The following GRID2 variants were observed in gnomAD, a reference collection of about 807,000 sequenced individuals.
The protein encoded by GRID2 is glutamate receptor ionotropic, delta-2.
A neutral mutation model predicts 114.8 loss-of-function variants in GRID2; 33 were observed. That is an observed-to-expected ratio of 0.29 (90% CI 0.22 to 0.38). GRID2 has a LOEUF of 0.38. Ranked by LOEUF, GRID2 falls within the 10% of genes least tolerant of loss-of-function variation. The pLI is 1.00. For missense variants in GRID2, 1,184 were observed against 1,257.7 expected, an observed-to-expected ratio of 0.94 and a Z score of 0.89; for synonymous variants, 505 against 449.9, an observed-to-expected ratio of 1.12 and a Z score of -1.55.
chr4:93,712,814 C>T (rs1234251213), intron 14 of GRID2, among the ~76,000 whole-genome samples: 1 of 152,066 alleles, frequency 6.6e-6, no homozygotes, highest in East Asian at 1.9e-4. Flanking sequence ...ACTGAGTAAA[C>T]GCTACTGCTT....
rs564127931 is a variant in GRID2 at position 93,057,276 on chromosome 4, T to A, written c.245-27719T>A. On this transcript the variant is annotated intron_variant, in intron 2 of 15. Transcript: ENST00000282020. ...ATATAGAAATGGGATTACTTATGCT[T>A]GACAGGTACATATTTCAGTGTCCCT... Among the ~76,000 whole-genome samples the A allele has an allele frequency of 2.6e-5, 4 of 151,970 alleles. No homozygotes were observed. The East Asian group carries it at 5.8e-4, about 22-fold the overall frequency.
intron 1 of GRID2, among the ~76,000 whole-genome samples, chr4:92,528,446 C>A (rs924097102): frequency 1.3e-5 from 2 of 151,598 alleles, no homozygotes; most frequent in African/African-American, 4.8e-5. Context: ...CAAATAAGAA[C>A]AATAATGTTA....
At chr4:92,713,963 C>T (rs1034645756) in intron 2 of GRID2, among the ~76,000 whole-genome samples, 1 of 152,082 alleles carries the variant, frequency 6.6e-6, no homozygotes, top group Non-Finnish European at 1.5e-5. Flanking sequence ...CAAAACCAAT[C>T]ATGCCTTCCC....
chr4:92,943,131 A>G (rs150135727), intron 2 of GRID2, among the ~76,000 whole-genome samples: 2,261 of 152,206 alleles, frequency 0.015, 20 homozygotes, highest in East Asian at 0.054. Context: ...TGCTAGATTG[A>G]GGAAGTTCTC....
intron 1 of GRID2, among the ~76,000 whole-genome samples, chr4:92,579,218 G>A (rs1293038449): frequency 6.6e-6 from 1 of 151,828 alleles, no homozygotes; most frequent in East Asian, 1.9e-4. Context: ...AGTTCCATAA[G>A]TAAACATTCT....
chr4:93,036,915 C>T (rs889037503), intron 2 of GRID2, among the ~76,000 whole-genome samples: 15 of 152,044 alleles, frequency 9.9e-5, no homozygotes, highest in African/African-American at 3.6e-4. Flanking sequence ...TAAACATTAA[C>T]CCTTCAATTA....
At chr4:92,960,257 A>G (rs536251602) in intron 2 of GRID2, among the ~76,000 whole-genome samples, 11 of 152,106 alleles carry the variant, frequency 7.2e-5, no homozygotes, top group Admixed American at 1.3e-4. Context: ...GAAGTACCCA[A>G]TAGAGGTCAA....
chr4:93,433,973 T>C (rs1248579846), intron 10 of GRID2, among the ~76,000 whole-genome samples: 1 of 152,154 alleles, frequency 6.6e-6, no homozygotes, highest in Non-Finnish European at 1.5e-5. Flanking sequence ...TCCATGATTC[T>C]CTCATCTTTA....
At chr4:92,581,203 T>A (rs1292974911) in intron 1 of GRID2, among the ~76,000 whole-genome samples, 1 of 151,644 alleles carries the variant, frequency 6.6e-6, no homozygotes, top group Non-Finnish European at 1.5e-5. Flanking sequence ...CCACCCTTTT[T>A]TTTTTTTTTT....
rs139358667 is a variant in GRID2, at chr4:92,431,576, CTT to C, written c.88+126846_88+126847del. Among the ~76,000 whole-genome samples, 465 of 114,122 alleles carry C rather than the reference CTT, an allele frequency of 4.1e-3. 3 individuals carry two copies. The highest frequency in any genetic ancestry group is 0.013 in the African/African-American group (429 of 32,834). The allele number at this position is 114,122 out of a possible 152,430, so 74.9% of individuals were successfully genotyped here. ...TTTATTTATTTATTGTTTGACGTGT[CTT>C]TTTTTTTTTTTTTAATAACAGTGTA... On this transcript the variant is annotated intron_variant, in intron 1 of 15. Transcript: ENST00000282020.
chr4:93,343,291 A>G (rs1759853761), intron 8 of GRID2, among the ~76,000 whole-genome samples: 1 of 152,014 alleles, frequency 6.6e-6, no homozygotes, highest in Non-Finnish European at 1.5e-5. Flanking sequence ...ACATCTGACT[A>G]TTTGAATTGG....
At chr4:92,769,844 G>C (rs1232798132) in intron 2 of GRID2, among the ~76,000 whole-genome samples, 1 of 152,114 alleles carries the variant, frequency 6.6e-6, no homozygotes, top group East Asian at 1.9e-4. Flanking sequence ...ATTTCTCTTA[G>C]GCCTTCAGGC....
At position 93,368,177 on chromosome 4, in the gene GRID2, C is replaced by G. The variant is rs191536956; in HGVS notation, c.1246-27430C>G. ...ATCCAGTTAGTAGCTACATTTTATCCCAACCAATAAAGTGACAGTTAATTC... is the reference window on the plus strand; with the variant it reads ...ATCCAGTTAGTAGCTACATTTTATCGCAACCAATAAAGTGACAGTTAATTC... On this transcript the variant is annotated intron_variant, in intron 8 of 15. Transcript: ENST00000282020. 1.5e-3 allele frequency among the ~76,000 whole-genome samples: 231 copies of G among 152,082 alleles called. 2 individuals are homozygous for G. Among genetic ancestry groups the G allele is most frequent in the Admixed American group, 4.7e-3 (72 of 15,268 alleles).
chr4:92,445,335 T>C (rs1389003509), intron 1 of GRID2, among the ~76,000 whole-genome samples: 1 of 152,210 alleles, frequency 6.6e-6, no homozygotes, highest in South Asian at 2.1e-4. Flanking sequence ...AATCTTTGCC[T>C]TCACCCTTCA....
chr4:93,453,783 T>A (rs1722937995), intron 10 of GRID2, among the ~76,000 whole-genome samples: 1 of 152,094 alleles, frequency 6.6e-6, no homozygotes, highest in Non-Finnish European at 1.5e-5. Context: ...GGTTGAGTCA[T>A]TAAATGTTTT....
chr4:93,399,768 C>G (rs1166421096), intron 9 of GRID2, among the ~76,000 whole-genome samples: 1 of 152,016 alleles, frequency 6.6e-6, no homozygotes, highest in African/African-American at 2.4e-5. Flanking sequence ...TATCTCTTTT[C>G]ATGGTCTCCA....
chr4:92,541,474 T>C (rs975057237), intron 1 of GRID2, among the ~76,000 whole-genome samples: 2 of 146,872 alleles, frequency 1.4e-5, no homozygotes, highest in Non-Finnish European at 3.0e-5. Flanking sequence ...TAATCTTATC[T>C]CAATTTTCCA....
intron 2 of GRID2, among the ~76,000 whole-genome samples, chr4:92,852,797 T>C (rs532313068): frequency 6.6e-6 from 1 of 152,032 alleles, no homozygotes; most frequent in African/African-American, 2.4e-5. Flanking sequence ...CCTCTTTACC[T>C]CAGCACATAC....
intron 1 of GRID2, among the ~76,000 whole-genome samples, chr4:92,462,074 T>C (rs984667720): frequency 6.6e-6 from 1 of 152,204 alleles, no homozygotes; most frequent in Non-Finnish European, 1.5e-5. Context: ...TTTTGAAATG[T>C]ACTTCTTTAA....
Sources: allele counts gnomAD v4.1 joint callset (sites outside exome capture counted in the v4.1 genomes callset), GRCh38; gene constraint gnomAD v4.1.1; transcripts MANE v1.5; gene names NCBI Gene and HGNC (gene_info 2026-07-23, HGNC 2026-07-21).